The following MROH9 variants were observed in gnomAD, a reference collection of about 807,000 sequenced individuals.
MROH9 encodes the protein maestro heat like repeat family member 9, also known as maestro heat-like repeat-containing protein family member 9.
A neutral mutation model predicts 98.2 loss-of-function variants in MROH9; 92 were observed. That is an observed-to-expected ratio of 0.94 (90% CI 0.79 to 1.11). MROH9 has a LOEUF of 1.11. Among genes scored for constraint, MROH9 ranks in the 50% most tolerant of loss-of-function variants. MROH9 has a pLI of 0.00. For synonymous variants in MROH9, 397 were observed against 368.9 expected (o/e 1.08, Z -0.87); for missense variants, 1,057 against 1,014.8 (o/e 1.04, Z -0.57).
intron 20 of MROH9, among the ~76,000 whole-genome samples, chr1:171,029,575 G>A (rs988506917): frequency 6.6e-6 from 1 of 152,154 alleles, no homozygotes; most frequent in Non-Finnish European, 1.5e-5. Context: ...CTTTGGTTCT[G>A]TTTAATGTGA....
At chr1:170,957,787 A>ATTTTT (rs1372647484) in intron 3 of MROH9, among the ~76,000 whole-genome samples, 6 of 127,990 alleles carry the variant, frequency 4.7e-5, no homozygotes, top group Non-Finnish European at 8.3e-5. Context: ...CCCTGCTGGC[A>ATTTTT]TTTTTTTGTT....
intron 12 of MROH9, among the ~76,000 whole-genome samples, chr1:170,993,714 A>G (rs1439354178): frequency 5.3e-5 from 8 of 152,192 alleles, no homozygotes; most frequent in Non-Finnish European, 1.0e-4. Context: ...CCATGCCGTA[A>G]AAGAGAAAAG....
intron 15 of MROH9, among the ~76,000 whole-genome samples, chr1:171,007,997 C>A (rs1652020750): frequency 6.6e-6 from 1 of 152,138 alleles, no homozygotes; most frequent in African/African-American, 2.4e-5. Flanking sequence ...CTACATAAAT[C>A]CCAAAAAGTC....
chr1:171,001,147 T>C (rs1651770272), intron 15 of MROH9, among the ~76,000 whole-genome samples: 1 of 152,160 alleles, frequency 6.6e-6, no homozygotes. Flanking sequence ...TTTGTTAATC[T>C]TTCTAATCGT....
At chr1:170,977,752 G>A (rs183041510) in intron 8 of MROH9, among the ~76,000 whole-genome samples, 5 of 152,122 alleles carry the variant, frequency 3.3e-5, no homozygotes, top group African/African-American at 4.8e-5. Flanking sequence ...TCCCCAACTC[G>A]GAGGCAGCAG....
At chr1:170,950,916 T>G (rs1170735485) in intron 3 of MROH9, among the ~76,000 whole-genome samples, 1 of 152,136 alleles carries the variant, frequency 6.6e-6, no homozygotes, top group Non-Finnish European at 1.5e-5. Context: ...TTTTTATTCT[T>G]TATTTTCTTT....
At chr1:170,944,758 T>C (rs1306840881) in intron 1 of MROH9, among the ~76,000 whole-genome samples, 1 of 151,984 alleles carries the variant, frequency 6.6e-6, no homozygotes, top group Non-Finnish European at 1.5e-5. Context: ...TGAAAATCTA[T>C]GTGGTAAGTA....
chr1:171,037,494 GA>G (rs796474238), intron 20 of MROH9, among the ~76,000 whole-genome samples: 2 of 151,000 alleles, frequency 1.3e-5, no homozygotes, highest in Non-Finnish European at 3.0e-5. Flanking sequence ...CCTATTTTAG[GA>G]AAAAAAAGAA....
intron 17 of MROH9, among the ~76,000 whole-genome samples, chr1:171,017,750 TC>T (rs1652376724): frequency 6.6e-6 from 1 of 152,098 alleles, no homozygotes; most frequent in South Asian, 2.1e-4. Context: ...CCAAGAGGTA[TC>T]CCCCATAGCC....
chr1:170,996,702 C>T, intron 14 of MROH9, 58 bp downstream of exon 14: 1 of 1,556,486 alleles, frequency 6.4e-7, no homozygotes, highest in Admixed American at 1.8e-5. Context: ...TCTCCAACTT[C>T]CTTCAATAAG....
At chr1:170,964,678 C>A (rs368303303) in intron 6 of MROH9, among the ~76,000 whole-genome samples, 22 of 152,106 alleles carry the variant, frequency 1.4e-4, no homozygotes, top group African/African-American at 5.3e-4. Context: ...TACTCTCTAA[C>A]CATAAGCCAG....
In MROH9 at chr1:171,035,450, A is replaced by G. The variant is rs78309450; in HGVS notation, c.2281+10030A>G. ...TTTTTTAAAATATAAAAAAATAAAA[A>G]CTGATGTTAAAATTGAAAGCTTCTC... is the stretch of plus-strand genomic sequence containing the variant. On this transcript the variant is annotated intron_variant, in intron 20 of 21. Transcript: ENST00000367759. Among the ~76,000 whole-genome samples the G allele has an allele frequency of 8.2e-3, 1,254 of 152,040 alleles. 14 individuals are homozygous for G. Among genetic ancestry groups the G allele is most frequent in the African/African-American group, 0.029 (1,196 of 41,532 alleles).
chr1:171,033,639 A>T (rs1334655864), intron 20 of MROH9, among the ~76,000 whole-genome samples: 1 of 152,066 alleles, frequency 6.6e-6, no homozygotes, highest in Non-Finnish European at 1.5e-5. Flanking sequence ...TGAAGGATTC[A>T]CATGCTTATT....
intron 16 of MROH9, among the ~76,000 whole-genome samples, chr1:171,014,668 A>G (rs2421635): frequency 0.22 from 33,730 of 151,794 alleles, 5,816 homozygotes; most frequent in African/African-American, 0.48. Flanking sequence ...ACATATTTAC[A>G]TTTTTCTCCT....
intron 1 of MROH9, among the ~76,000 whole-genome samples, chr1:170,942,948 G>A (rs528651716): frequency 1.7e-3 from 261 of 152,180 alleles, no homozygotes; most frequent in African/African-American, 5.5e-3. Context: ...AATAGTTGGG[G>A]AAAAGTAAAG....
At chr1:170,996,808 G>A (rs1182165514) in intron 14 of MROH9, among the ~76,000 whole-genome samples, 164 bp downstream of exon 14, 1 of 152,108 alleles carries the variant, frequency 6.6e-6, no homozygotes, top group African/African-American at 2.4e-5. Context: ...TTATTTTGAA[G>A]CGTTTTTATT....
intron 15 of MROH9, among the ~76,000 whole-genome samples, chr1:171,010,140 T>A (rs1393720011): frequency 6.6e-6 from 1 of 152,156 alleles, no homozygotes; most frequent in Non-Finnish European, 1.5e-5. Flanking sequence ...GATGTTCCCC[T>A]CCTTATGTCC....
rs74408544 is a variant in MROH9, at chr1:171,007,802, C to G, written c.1597-6315C>G. ...TCAGCAGGCCTGTTACCCTGGTTTC[C>G]TTGGTGGATGATTTTGGTGGCAGAA... On this transcript the variant is annotated intron_variant, in intron 15 of 21. Coordinates refer to ENST00000367759, the MANE Select transcript of MROH9 (RefSeq NM_001163629.2). Among the ~76,000 whole-genome samples, 1,254 of 152,244 alleles carry G rather than the reference C, an allele frequency of 8.2e-3. 19 individuals are homozygous for G. Among genetic ancestry groups the G allele is most frequent in the African/African-American group, 0.028 (1,179 of 41,536 alleles).
intron 16 of MROH9, 92 bp downstream of exon 16, chr1:171,014,346 T>A (rs1652260110): frequency 2.5e-6 from 3 of 1,212,944 alleles, no homozygotes; most frequent in Non-Finnish European, 3.4e-6. Context: ...AAAGCGGTGA[T>A]ATTTTTCAGT....
Sources: gnomAD v4.1 joint callset for allele counts (sites outside exome capture counted in the v4.1 genomes callset) on GRCh38, gnomAD v4.1.1 for gene constraint, MANE v1.5 for transcripts, NCBI Gene and HGNC (gene_info 2026-07-23, HGNC 2026-07-21) for gene names.